NLRP5: variants seen among roughly 807,000 people sequenced by gnomAD.
NLRP5 encodes the protein NACHT, LRR and PYD domains-containing protein 5.
In NLRP5, 93 loss-of-function variants were observed where a neutral mutation model predicts 113.1. The observed-to-expected ratio is 0.82, with a 90% CI of 0.70 to 0.98. NLRP5 has a LOEUF of 0.98. Ranked by LOEUF, NLRP5 falls within the 50% of genes least tolerant of loss-of-function variation. NLRP5 has a pLI of 0.00. For synonymous variants in NLRP5, 751 were observed against 600.7 expected, an observed-to-expected ratio of 1.25 and a Z score of -3.66; for missense variants, 1,808 against 1,514.3, an observed-to-expected ratio of 1.19 and a Z score of -3.22.
At position 56,013,596 on chromosome 19, in the gene NLRP5, G is replaced by GTTTTTTTTTTT. The variant is rs71183002; in HGVS notation, c.509-2135_509-2125dup. ...CATTTATCACATGATGGACATTTGG[G>GTTTTTTTTTTT]TTTTTTTTTTTTTTTTTTTTTGCTA... On this transcript the variant is annotated intron_variant, in intron 3 of 14. Transcript: ENST00000390649. 1.5e-3 allele frequency among the ~76,000 whole-genome samples: 86 copies of GTTTTTTTTTTT among 59,270 alleles called. 10 individuals are homozygous for GTTTTTTTTTTT. The highest frequency in any genetic ancestry group is 6.0e-3 in the African/African-American group (69 of 11,528). The allele number at this position is 59,270 out of a possible 152,430, so 38.9% of individuals were successfully genotyped here.
chr19:56,054,795 G>A (rs10423716), intron 13 of NLRP5, among the ~76,000 whole-genome samples: 6 of 151,976 alleles, frequency 3.9e-5, no homozygotes, highest in African/African-American at 7.3e-5. Flanking sequence ...TTCCTTTTAC[G>A]GTGATGGAAA....
the NLRP5 span, among the ~76,000 whole-genome samples, chr19:55,994,315 A>C: frequency 6.6e-6 from 1 of 152,190 alleles, no homozygotes; most frequent in Non-Finnish European, 1.5e-5. Context: ...GAGTTTTGCT[A>C]TACAGTTGTT....
chr19:56,015,700 C>A, intron 3 of NLRP5, 42 bp from the exon 4 acceptor site: 1 of 1,489,898 alleles, frequency 6.7e-7, no homozygotes, highest in South Asian at 1.3e-5. Flanking sequence ...GAATAATATA[C>A]ACAGTATGTT....
chr19:56,046,746 G>A (rs559290792), intron 11 of NLRP5, among the ~76,000 whole-genome samples: 100 of 152,050 alleles, frequency 6.6e-4, no homozygotes, highest in Non-Finnish European at 9.1e-4. Context: ...GGGTTTCACC[G>A]TGGTCTCGAT....
chr19:56,059,213 A>T (rs1200651139), intron 14 of NLRP5, among the ~76,000 whole-genome samples: 1 of 152,196 alleles, frequency 6.6e-6, no homozygotes, highest in Non-Finnish European at 1.5e-5. Flanking sequence ...CACACACATC[A>T]TTTCAGCTTC....
chr19:56,039,584 G>T (rs1983444145), intron 10 of NLRP5, among the ~76,000 whole-genome samples: 1 of 152,184 alleles, frequency 6.6e-6, no homozygotes, highest in African/African-American at 2.4e-5. Context: ...TCATGTAGCA[G>T]ACTGTTTCTG....
At chr19:56,055,735 C>T (rs8101587) in intron 13 of NLRP5, among the ~76,000 whole-genome samples, 3,338 of 151,474 alleles carry the variant, frequency 0.022, 60 homozygotes, top group African/African-American at 0.05. Flanking sequence ...TTAGTAGAGA[C>T]GGGGTTTCAC....
rs1253139924 is a variant in NLRP5 at position 56,027,862 on chromosome 19, G to A, written c.1629G>A (p.Lys543=). The A allele has an allele frequency of 1.2e-6, 2 of 1,613,860 alleles. No individual in the cohort carries two copies. Residue 543 remains lysine (K), a synonymous_variant, in exon 7 of 15, where the codon AAG becomes AAA. Transcript: ENST00000390649. ...CTGTGGAGGGAGTGTGGAATAGGAA[G>A]TCAGTGTTTGACGGTGACGACCTCA...
At chr19:56,051,386 T>A (rs944915259) in intron 12 of NLRP5, among the ~76,000 whole-genome samples, 1 of 151,904 alleles carries the variant, frequency 6.6e-6, no homozygotes, top group African/African-American at 2.4e-5. Flanking sequence ...AGAGACGGAG[T>A]TTCACCATGT....
At chr19:56,005,412 T>C (rs1253962309) in intron 2 of NLRP5, among the ~76,000 whole-genome samples, 1 of 148,914 alleles carries the variant, frequency 6.7e-6, no homozygotes, top group Non-Finnish European at 1.5e-5. Flanking sequence ...TATACACATA[T>C]ATTTTTATAT....
At chr19:56,035,204 A>G (rs1446356049) in intron 9 of NLRP5, among the ~76,000 whole-genome samples, 1 of 152,104 alleles carries the variant, frequency 6.6e-6, no homozygotes, top group Non-Finnish European at 1.5e-5. Context: ...CCTCCCAAAT[A>G]AAGTATTCTG....
chr19:55,992,972 CTT>C, the NLRP5 span, among the ~76,000 whole-genome samples: 1,730 of 152,106 alleles, frequency 0.011, 33 homozygotes, highest in South Asian at 0.036. Flanking sequence ...GCCTCAGCCT[CTT>C]GAGTAGCTGG....
chr19:56,005,107 A>AAAAAAAAAAAAAAATATATATAT (rs1173746273), intron 2 of NLRP5, among the ~76,000 whole-genome samples: 1 of 95,322 alleles, frequency 1.0e-5, no homozygotes, highest in African/African-American at 3.9e-5. Context: ...AAAAAAAAAA[A>AAAAAAAAAAAAAAATATATATAT]ATATATATAT....
At chr19:56,052,966 A>T (rs1568503037) in intron 12 of NLRP5, among the ~76,000 whole-genome samples, 1 of 152,248 alleles carries the variant, frequency 6.6e-6, no homozygotes, top group Non-Finnish European at 1.5e-5. Context: ...GTGTGGTGGC[A>T]CATGCCTGTA....
the NLRP5 span, among the ~76,000 whole-genome samples, chr19:55,990,254 A>G: frequency 1.3e-5 from 2 of 151,464 alleles, no homozygotes; most frequent in African/African-American, 4.8e-5. Flanking sequence ...ATGCCCGGCT[A>G]ATTTGTGTAT....
chr19:56,030,298 G>A (rs532977901), intron 7 of NLRP5, among the ~76,000 whole-genome samples: 6 of 151,646 alleles, frequency 4.0e-5, no homozygotes, highest in African/African-American at 1.2e-4. Flanking sequence ...GGAACCCCGC[G>A]GGCGGAGGTT....
intron 12 of NLRP5, 65 bp from the exon 13 acceptor site, chr19:56,053,573 A>T (rs1315963385): frequency 9.7e-6 from 14 of 1,440,688 alleles, no homozygotes; most frequent in Non-Finnish European, 1.1e-5. Flanking sequence ...ATGCTGCTGA[A>T]CCTTCTCCCG....
At chr19:56,037,559 G>C (rs577364306) in intron 9 of NLRP5, among the ~76,000 whole-genome samples, 4 of 151,980 alleles carry the variant, frequency 2.6e-5, no homozygotes, top group Non-Finnish European at 5.9e-5. Flanking sequence ...CAGGTATGGT[G>C]GTGGGCACCT....
At chr19:56,029,777 C>T (rs1213733687) in intron 7 of NLRP5, among the ~76,000 whole-genome samples, 1 of 151,472 alleles carries the variant, frequency 6.6e-6, no homozygotes, top group African/African-American at 2.4e-5. Context: ...TGTGGACAGG[C>T]TGGGTGCAGT....
Sources: allele counts gnomAD v4.1 joint callset (sites outside exome capture counted in the v4.1 genomes callset), GRCh38; gene constraint gnomAD v4.1.1; transcripts MANE v1.5; gene names NCBI Gene and HGNC (gene_info 2026-07-23, HGNC 2026-07-21).